The following DPP10 variants were observed in gnomAD, a reference collection of about 807,000 sequenced individuals.
DPP10 encodes inactive dipeptidyl peptidase 10.
Under a neutral mutation model 120.9 loss-of-function variants are expected in DPP10, and 33 were observed. The observed-to-expected ratio is 0.27, with a 90% CI of 0.21 to 0.37. The LOEUF (loss-of-function observed/expected upper bound fraction) is 0.37, where lower values mean the gene tolerates loss of function less well. Among genes scored for constraint, DPP10 ranks in the 10% least tolerant of loss-of-function variants. The probability of loss-of-function intolerance (pLI) is 1.00; values close to 1 mark genes in which losing one functional copy is unlikely to be tolerated. For synonymous variants in DPP10, 337 were observed against 326.1 expected, an observed-to-expected ratio of 1.03 and a Z score of -0.36; for missense variants, 816 against 942.8, an observed-to-expected ratio of 0.87 and a Z score of 1.76.
chr2:115,629,278 G>A (rs1361503473), intron 5 of DPP10, among the ~76,000 whole-genome samples: 5 of 152,006 alleles, frequency 3.3e-5, no homozygotes, highest in Admixed American at 6.6e-5. Context: ...ATAAACATAC[G>A]TGTGCATGTG....
chr2:115,226,777 A>C (rs17452937), intron 1 of DPP10, among the ~76,000 whole-genome samples: 9,432 of 152,210 alleles, frequency 0.062, 336 homozygotes, highest in Middle Eastern at 0.11. Flanking sequence ...GGATGGAGAA[A>C]ATTGATTTCA....
rs1699115995 is a variant in DPP10 at position 114,967,482 on chromosome 2, G to A, written c.61-341757G>A. On this transcript the variant is annotated intron_variant, in intron 1 of 25. Transcript: ENST00000410059. ...AGAGGAAGACTGGCATAGAGGGTTG[G>A]GCTTAGGCAGAAGTGGTATATCAAG... Among the ~76,000 whole-genome samples, 4 of 152,264 alleles carry A rather than the reference G, an allele frequency of 2.6e-5. 1 individual carries two copies. In the South Asian group the frequency reaches 8.3e-4, roughly 32 times the overall value.
chr2:115,395,229 T>G (rs953189980), intron 3 of DPP10, among the ~76,000 whole-genome samples: 1 of 152,210 alleles, frequency 6.6e-6, no homozygotes, highest in Non-Finnish European at 1.5e-5. Flanking sequence ...CTTCTGCCTC[T>G]CCCCATGGTC....
intron 1 of DPP10, among the ~76,000 whole-genome samples, chr2:114,743,910 T>A (rs1398995128): frequency 5.9e-5 from 9 of 152,060 alleles, no homozygotes; most frequent in Admixed American, 5.9e-4. Flanking sequence ...TTTGGTCTTG[T>A]CCTCAGGTAG....
chr2:115,271,941 G>A (rs998845642), intron 1 of DPP10, among the ~76,000 whole-genome samples: 1 of 152,096 alleles, frequency 6.6e-6, no homozygotes, highest in African/African-American at 2.4e-5. Context: ...AAATACATGT[G>A]CAAAATGTTA....
chr2:114,915,091 A>G lies in DPP10; in HGVS notation c.61-394148A>G, dbSNP rs563989402. Among the ~76,000 whole-genome samples the G allele has an allele frequency of 1.2e-3, 176 of 152,150 alleles. 1 individual carries two copies. Among genetic ancestry groups the G allele is most frequent in the African/African-American group, 3.7e-3 (154 of 41,542 alleles). Reference sequence around the variant, plus strand: ...GCTTGCAGTGAGCCGAGATCCCGCCACTGCACCCCAGCCTGGGCGACAGAA... The same window carrying G: ...GCTTGCAGTGAGCCGAGATCCCGCCGCTGCACCCCAGCCTGGGCGACAGAA... On this transcript the variant is annotated intron_variant, in intron 1 of 25. Coordinates refer to ENST00000410059, the MANE Select transcript of DPP10 (RefSeq NM_020868.6).
chr2:115,268,461 G>T (rs986259200), intron 1 of DPP10, among the ~76,000 whole-genome samples: 2 of 152,126 alleles, frequency 1.3e-5, no homozygotes, highest in African/African-American at 4.8e-5. Context: ...ACCATCATGC[G>T]ACTTCCTAAA....
chr2:114,638,746 A>G (rs890962402), intron 1 of DPP10, among the ~76,000 whole-genome samples: 2 of 151,894 alleles, frequency 1.3e-5, no homozygotes, highest in African/African-American at 4.9e-5. Context: ...CAAAGAACTT[A>G]AAACAGAAGT....
chr2:115,071,297 T>C (rs919133993), intron 1 of DPP10, among the ~76,000 whole-genome samples: 1 of 152,200 alleles, frequency 6.6e-6, no homozygotes, highest in African/African-American at 2.4e-5. Flanking sequence ...CCACGTCCCA[T>C]GCAGTGTATG....
At chr2:114,824,971 C>T (rs537090719) in intron 1 of DPP10, among the ~76,000 whole-genome samples, 1 of 152,278 alleles carries the variant, frequency 6.6e-6, no homozygotes, top group East Asian at 1.9e-4. Flanking sequence ...GGAGAGTAGG[C>T]TTTGGTTTGA....
intron 3 of DPP10, among the ~76,000 whole-genome samples, chr2:115,393,611 T>A (rs1022617437): frequency 1.2e-4 from 18 of 152,224 alleles, no homozygotes; most frequent in African/African-American, 4.3e-4. Context: ...TACAGTTTTC[T>A]GGCTCTGGGA....
At chr2:115,197,171 A>G (rs1225270321) in intron 1 of DPP10, among the ~76,000 whole-genome samples, 1 of 152,114 alleles carries the variant, frequency 6.6e-6, no homozygotes, top group African/African-American at 2.4e-5. Flanking sequence ...AGGAGGGCGG[A>G]TCATGAGGTC....
At chr2:114,471,290 G>C (rs1462227699) in intron 1 of DPP10, among the ~76,000 whole-genome samples, 2 of 152,166 alleles carry the variant, frequency 1.3e-5, no homozygotes, top group Admixed American at 6.5e-5. Flanking sequence ...GTTTAAATTT[G>C]AGAGTTTTGG....
At position 115,264,258 on chromosome 2, in the gene DPP10, C is replaced by A. The variant is rs373593969; in HGVS notation, c.61-44981C>A. On this transcript the variant is annotated intron_variant, in intron 1 of 25. Coordinates refer to ENST00000410059, the MANE Select transcript of DPP10 (RefSeq NM_020868.6). ...CTGTACAATAAATGATGCAAAATGT[C>A]AATTGACTAACCACCGACAAAATTT... Among the ~76,000 whole-genome samples, 23 of 152,212 alleles carry A rather than the reference C, an allele frequency of 1.5e-4. 1 individual carries two copies. The highest frequency in any genetic ancestry group is 9.6e-4 in the East Asian group (5 of 5,184).
intron 1 of DPP10, among the ~76,000 whole-genome samples, chr2:114,590,271 G>A (rs1691350888): frequency 6.6e-6 from 1 of 152,026 alleles, no homozygotes; most frequent in Admixed American, 6.6e-5. Context: ...TGCAATTGAG[G>A]AATGAGTGTA....
intron 8 of DPP10, among the ~76,000 whole-genome samples, chr2:115,728,180 T>C (rs957799318): frequency 2.0e-5 from 3 of 152,050 alleles, no homozygotes; most frequent in Admixed American, 2.0e-4. Context: ...ATAGATATTA[T>C]TTGTGAGGAC....
At chr2:115,170,289 A>G (rs901330035) in intron 1 of DPP10, among the ~76,000 whole-genome samples, 1 of 152,234 alleles carries the variant, frequency 6.6e-6, no homozygotes, top group African/African-American at 2.4e-5. Context: ...AACAAGTACT[A>G]GAAGTCTTTC....
chr2:115,639,627 G>GTT (rs60317856), intron 5 of DPP10, among the ~76,000 whole-genome samples: 346 of 149,952 alleles, frequency 2.3e-3, no homozygotes, highest in African/African-American at 7.8e-3. Flanking sequence ...TGCATTACAG[G>GTT]TTTTTTTTTT....
intron 1 of DPP10, among the ~76,000 whole-genome samples, chr2:115,020,880 G>T (rs1391151337): frequency 6.6e-6 from 1 of 151,964 alleles, no homozygotes; most frequent in Non-Finnish European, 1.5e-5. Flanking sequence ...TCAGAATCAT[G>T]CAAATACATG....
Sources: gnomAD v4.1 joint callset for allele counts (sites outside exome capture counted in the v4.1 genomes callset) on GRCh38, gnomAD v4.1.1 for gene constraint, MANE v1.5 for transcripts, NCBI Gene and HGNC (gene_info 2026-07-23, HGNC 2026-07-21) for gene names.